Variants in SMYD3 observed in about 807,000 individuals in gnomAD.
The protein encoded by SMYD3 is histone-lysine N-methyltransferase SMYD3.
In SMYD3, 36 loss-of-function variants were observed where a neutral mutation model predicts 57.7. The ratio of observed to expected loss-of-function variants is 0.62; its 90% confidence interval spans 0.48 to 0.82. The LOEUF (loss-of-function observed/expected upper bound fraction) is 0.82, where lower values mean the gene tolerates loss of function less well. Ranked by LOEUF, SMYD3 falls within the 40% of genes least tolerant of loss-of-function variation. The pLI is 0.00. For missense variants in SMYD3, 515 were observed against 538.8 expected (o/e 0.96, Z 0.44); for synonymous variants, 211 against 195.0 (o/e 1.08, Z -0.68).
intron 8 of SMYD3, among the ~76,000 whole-genome samples, chr1:245,900,772 T>G (rs1397974242): frequency 4.6e-5 from 7 of 152,198 alleles, no homozygotes; most frequent in Admixed American, 2.0e-4. Flanking sequence ...TTTCTGAAGA[T>G]CCACCATATT....
rs546215917 is a variant in SMYD3, at chr1:246,323,515, T to C, written c.531+3686A>G. On this transcript the variant is annotated intron_variant, in intron 5 of 11. Coordinates refer to ENST00000490107, the MANE Select transcript of SMYD3 (RefSeq NM_001167740.2). ...TACAAACTGCCAACTTTTCAGGCAA[T>C]AATCATGAGCTTCCATTAGAAAAAG... Among the ~76,000 whole-genome samples, 3 of 149,990 alleles carry C rather than the reference T, an allele frequency of 2.0e-5. No individual in the cohort carries two copies. The East Asian group carries it at 5.8e-4, about 29-fold the overall frequency.
chr1:246,117,832 C>G (rs2061365610), intron 5 of SMYD3, among the ~76,000 whole-genome samples: 2 of 152,180 alleles, frequency 1.3e-5, no homozygotes, highest in African/African-American at 4.8e-5. Context: ...TTGGTTCTTT[C>G]ATTTCCGAAA....
chr1:246,278,119 G>A (rs12404422), intron 5 of SMYD3, among the ~76,000 whole-genome samples: 23,457 of 151,966 alleles, frequency 0.15, 2,335 homozygotes, highest in East Asian at 0.31. Context: ...CCAACAACTG[G>A]GATTTTCAAT....
intron 1 of SMYD3, among the ~76,000 whole-genome samples, chr1:246,436,043 G>A (rs1572499482): frequency 6.6e-6 from 1 of 152,080 alleles, no homozygotes; most frequent in South Asian, 2.1e-4. Flanking sequence ...GTTGGAAATA[G>A]GTGGCAAGTT....
Position 245,849,932 on chromosome 1 carries a change from C to T in SMYD3, c.1076+8564G>A, listed in dbSNP as rs1277273316. 5.3e-5 allele frequency among the ~76,000 whole-genome samples: 8 copies of T among 151,998 alleles called. No individual in the cohort carries two copies. In the East Asian group the frequency reaches 9.7e-4, roughly 18 times the overall value. On this transcript the variant is annotated intron_variant, in intron 10 of 11. Transcript: ENST00000490107. ...CCTCCCAAAGTGCTGGGATTGCAAG[C>T]GTGAGCCACTGTGTCCGGCCTATTC...
intron 5 of SMYD3, chr1:245,953,338 ATTT>A: frequency 1.0e-6 from 1 of 990,222 alleles, no homozygotes; most frequent in Non-Finnish European, 1.2e-6. Flanking sequence ...AACTAAAAAC[ATTT>A]TTTAGGATGT....
chr1:246,265,306 A>AT (rs78360899), intron 5 of SMYD3, among the ~76,000 whole-genome samples: 2,273 of 148,230 alleles, frequency 0.015, 59 homozygotes, highest in African/African-American at 0.05. Flanking sequence ...TAATTTTTGT[A>AT]TTTTTTTTTT....
chr1:245,924,512 T>C (rs1189769598), intron 7 of SMYD3, among the ~76,000 whole-genome samples: 6 of 152,178 alleles, frequency 3.9e-5, no homozygotes, highest in African/African-American at 1.4e-4. Context: ...TTGTGCAATT[T>C]TCCAGCTCTC....
chr1:246,473,259 C>A (rs1452549178), intron 1 of SMYD3, among the ~76,000 whole-genome samples: 1 of 152,156 alleles, frequency 6.6e-6, no homozygotes, highest in Non-Finnish European at 1.5e-5. Context: ...ATTAAGTTAA[C>A]TGGTTCTACA....
chr1:246,304,856 CTTGT>C (rs1374491855), intron 5 of SMYD3, among the ~76,000 whole-genome samples: 1 of 152,188 alleles, frequency 6.6e-6, no homozygotes, highest in African/African-American at 2.4e-5. Flanking sequence ...TGGGCTGCGG[CTTGT>C]TTGTTTTTAA....
At chr1:246,016,776 A>C (rs924186753) in intron 5 of SMYD3, among the ~76,000 whole-genome samples, 1 of 152,144 alleles carries the variant, frequency 6.6e-6, no homozygotes, top group Admixed American at 6.5e-5. Flanking sequence ...AGGTCAAAGA[A>C]AAAGAAAACA....
chr1:245,835,121 CCT>C (rs970303238), intron 10 of SMYD3, among the ~76,000 whole-genome samples: 1 of 50,408 alleles, frequency 2.0e-5, no homozygotes, highest in Non-Finnish European at 4.8e-5. Flanking sequence ...GGGCAGGTTT[CCT>C]TTTTTTTTTT....
rs57740230 is a variant in SMYD3 at position 246,282,305 on chromosome 1, C to CAA, written c.531+44894_531+44895dup. ...CAACATGGCAAGACCCTCATCTCTA[C>CAA]AAAAAAAAAAAAAAAAAAAAAAAAA... On this transcript the variant is annotated intron_variant, in intron 5 of 11. Transcript: ENST00000490107. Among the ~76,000 whole-genome samples the CAA allele has an allele frequency of 6.9e-3, 467 of 67,892 alleles. 49 individuals are homozygous for CAA. The highest frequency in any genetic ancestry group is 0.023 in the Admixed American group (94 of 4,096). The allele number at this position is 67,892 out of a possible 152,430, so 44.5% of individuals were successfully genotyped here.
chr1:246,074,953 T>C (rs2060522540), intron 5 of SMYD3, among the ~76,000 whole-genome samples: 1 of 137,006 alleles, frequency 7.3e-6, no homozygotes, highest in African/African-American at 3.0e-5. Context: ...CACACACACT[T>C]CAGAGGAATA....
At chr1:246,102,923 C>T (rs994979639) in intron 5 of SMYD3, among the ~76,000 whole-genome samples, 3 of 152,186 alleles carry the variant, frequency 2.0e-5, no homozygotes, top group South Asian at 2.1e-4. Context: ...CCTTCACTGA[C>T]ATTCATGGCC....
chr1:245,830,691 T>C (rs1166259094), intron 10 of SMYD3, among the ~76,000 whole-genome samples: 1 of 152,174 alleles, frequency 6.6e-6, no homozygotes, highest in Non-Finnish European at 1.5e-5. Flanking sequence ...GTAGAAAGCT[T>C]AGCGATAACA....
At chr1:245,995,592 C>T (rs148708418) in intron 5 of SMYD3, among the ~76,000 whole-genome samples, 132 of 152,332 alleles carry the variant, frequency 8.7e-4, no homozygotes, top group Middle Eastern at 3.4e-3. Context: ...AGACTCTGCT[C>T]AGTGCCTCAG....
At chr1:245,978,787 T>C (rs1454390932) in intron 5 of SMYD3, among the ~76,000 whole-genome samples, 1 of 152,134 alleles carries the variant, frequency 6.6e-6, no homozygotes, top group Non-Finnish European at 1.5e-5. Flanking sequence ...TCCTCTCCCA[T>C]TTCTCATTTC....
intron 5 of SMYD3, among the ~76,000 whole-genome samples, chr1:246,186,445 C>CTGA (rs1193929959): frequency 6.6e-6 from 1 of 152,142 alleles, no homozygotes; most frequent in African/African-American, 2.4e-5. Flanking sequence ...CAGAGCTGAC[C>CTGA]TGATGGTTGA....
Sources: gnomAD v4.1 joint callset for allele counts (sites outside exome capture counted in the v4.1 genomes callset) on GRCh38, gnomAD v4.1.1 for gene constraint, MANE v1.5 for transcripts, NCBI Gene and HGNC (gene_info 2026-07-23, HGNC 2026-07-21) for gene names.